The following DNAI7 variants were observed in gnomAD, a reference collection of about 807,000 sequenced individuals.
DNAI7 encodes the protein cancer susceptibility 1.
In DNAI7, 78 loss-of-function variants were observed where a neutral mutation model predicts 86.6. The ratio of observed to expected loss-of-function variants is 0.90; its 90% CI spans 0.75 to 1.09. The LOEUF (loss-of-function observed/expected upper bound fraction) is 1.09, where lower values mean the gene tolerates loss of function less well. Among genes scored for constraint, DNAI7 ranks in the 50% least tolerant of loss-of-function variants. DNAI7 has a pLI of 0.00. For synonymous variants in DNAI7, 274 were observed against 273.0 expected, an observed-to-expected ratio of 1.00 and a Z score of -0.04; for missense variants, 753 against 810.2, an observed-to-expected ratio of 0.93 and a Z score of 0.86.
chr12:25,190,530 A>C, intron 2 of DNAI7, 84 bp downstream of exon 2: 3 of 579,814 alleles, frequency 5.2e-6, no homozygotes, highest in Non-Finnish European at 8.5e-6. Flanking sequence ...AAAACTATAA[A>C]AATATTTTAT....
At chr12:25,113,939 T>TTTC (rs1491420435) in intron 13 of DNAI7, among the ~76,000 whole-genome samples, 1 of 1,984 alleles carries the variant, frequency 5.0e-4, no homozygotes, top group Non-Finnish European at 1.4e-3. Context: ...TCTTTCTGGG[T>TTTC]TTTTTTTTTT....
In DNAI7 at chr12:25,110,196, T is replaced by C. The variant is rs745394053; in HGVS notation, c.1824A>G (p.Leu608=). ...EVKAYRQMAL[L]SSAFAFGWSK... Reference sequence around the variant, plus strand: ...TCCAACCAAATGCAAAAGCAGAACTTAGTAGGGCCATCTGTCGATAAGCTT... The same window carrying C: ...TCCAACCAAATGCAAAAGCAGAACTCAGTAGGGCCATCTGTCGATAAGCTT... Residue 608 remains leucine (L), a synonymous_variant, in exon 15 of 16, where the codon CTA becomes CTG. Transcript: ENST00000395987. The C allele has an allele frequency of 3.7e-6, 6 of 1,612,642 alleles. No homozygotes were observed. The Admixed American group carries it at 8.3e-5, about 22-fold the overall frequency.
intron 2 of DNAI7, among the ~76,000 whole-genome samples, chr12:25,173,048 G>A (rs2141168263): frequency 6.6e-6 from 1 of 152,188 alleles, no homozygotes; most frequent in African/African-American, 2.4e-5. Context: ...CTTAGGCAAG[G>A]ATTTCATGAC....
At chr12:25,189,057 A>G (rs1188260285) in intron 2 of DNAI7, among the ~76,000 whole-genome samples, 3 of 152,236 alleles carry the variant, frequency 2.0e-5, no homozygotes, top group African/African-American at 2.4e-5. Context: ...AAGGCACTCA[A>G]TGGTATTTCT....
In DNAI7 at chr12:25,113,956, T is replaced by G. The variant is rs544036059; in HGVS notation, c.1611+700A>C. ...TTTCTGGGTTTTTTTTTTTTTTTTT[T>G]TTTTTTTGAGACAGAGTTTCACTCT... On this transcript the variant is annotated intron_variant, in intron 13 of 15. Transcript: ENST00000395987. Among the ~76,000 whole-genome samples the G allele has an allele frequency of 3.4e-3, 500 of 146,592 alleles. 5 individuals carry two copies. Among genetic ancestry groups the G allele is most frequent in the African/African-American group, 0.012 (464 of 38,532 alleles).
chr12:25,117,041 CT>C (rs897243485), intron 12 of DNAI7, among the ~76,000 whole-genome samples: 1 of 151,946 alleles, frequency 6.6e-6, no homozygotes, highest in African/African-American at 2.4e-5. Context: ...TCAAACAATG[CT>C]CCCACCTCAG....
chr12:25,117,579 G>T (rs1427636473), intron 12 of DNAI7, among the ~76,000 whole-genome samples: 1 of 151,946 alleles, frequency 6.6e-6, no homozygotes, highest in Non-Finnish European at 1.5e-5. Context: ...ACCAGACCAA[G>T]ATTTTTCAAA....
At position 25,188,673 on chromosome 12, in the gene DNAI7, CAAAAAAAAA is replaced by C. The variant is rs71065918; in HGVS notation, c.21+1932_21+1940del. ...TTGGCAACAGAGCAAGACTCTGTCT[CAAAAAAAAA>C]AAAAAAAAAAAAAAGTAAGCGATTT... On this transcript the variant is annotated intron_variant, in intron 2 of 15. Coordinates refer to ENST00000395987, the MANE Select transcript of DNAI7 (RefSeq NM_018272.5). 2.0e-3 allele frequency among the ~76,000 whole-genome samples: 266 copies of C among 130,180 alleles called. 1 individual carries two copies. Among genetic ancestry groups the C allele is most frequent in the African/African-American group, 3.6e-3 (114 of 31,508 alleles). The allele number at this position is 130,180 out of a possible 152,430, so 85.4% of individuals were successfully genotyped here.
chr12:25,164,075 G>A (rs189384846), intron 2 of DNAI7, among the ~76,000 whole-genome samples: 23 of 152,158 alleles, frequency 1.5e-4, no homozygotes, highest in African/African-American at 3.9e-4. Context: ...CACCCTTAGC[G>A]GCAAGTACCG....
intron 9 of DNAI7, among the ~76,000 whole-genome samples, chr12:25,132,852 T>C (rs373478577): frequency 2.1e-5 from 3 of 142,306 alleles, no homozygotes; most frequent in East Asian, 3.8e-4. Context: ...TAAGAAATTG[T>C]CTTCTCACTG....
At chr12:25,186,955 TG>T (rs1172254852) in intron 2 of DNAI7, among the ~76,000 whole-genome samples, 2 of 152,218 alleles carry the variant, frequency 1.3e-5, no homozygotes, top group Non-Finnish European at 2.9e-5. Context: ...ACTGCTGTGA[TG>T]GATTCCTAAA....
intron 4 of DNAI7, among the ~76,000 whole-genome samples, chr12:25,157,582 A>AAT (rs1946334908): frequency 6.6e-6 from 1 of 152,276 alleles, no homozygotes; most frequent in South Asian, 2.1e-4. Flanking sequence ...ACTTATGTTT[A>AAT]ATAAAATTTA....
At chr12:25,156,740 CA>C (rs1434754723) in intron 4 of DNAI7, among the ~76,000 whole-genome samples, 5 of 143,078 alleles carry the variant, frequency 3.5e-5, no homozygotes, top group African/African-American at 1.3e-4. Flanking sequence ...GACTCTGTCT[CA>C]AAAAAAAAAT....
intron 2 of DNAI7, among the ~76,000 whole-genome samples, chr12:25,182,521 A>T (rs1949613078): frequency 6.6e-6 from 1 of 151,584 alleles, no homozygotes; most frequent in South Asian, 2.1e-4. Flanking sequence ...AGGTGGGAGG[A>T]TTGCTTGAGC....
chr12:25,153,735 G>A (rs1368260281), intron 6 of DNAI7, among the ~76,000 whole-genome samples: 1 of 152,154 alleles, frequency 6.6e-6, no homozygotes. Context: ...TTTCTGGATT[G>A]TTTTATGGCC....
At chr12:25,124,545 A>G (rs546668108) in intron 9 of DNAI7, among the ~76,000 whole-genome samples, 2 of 152,316 alleles carry the variant, frequency 1.3e-5, no homozygotes, top group East Asian at 1.9e-4. Flanking sequence ...AGAGGAGTTA[A>G]TTCTGTGGGA....
In DNAI7 at chr12:25,111,885, T is replaced by G; in HGVS notation, c.1666A>C (p.Ile556Leu). The stretch of plus-strand genomic sequence containing the variant: ...GGAGTCATCCAGGTTCCTTCCAAAA[T>G]AGAGATGTGTTTCTTGTCTTTTAGT... ...IKLKDKKHIS[I>L]LEGTWMTPIP... The change falls in exon 14 of 16, where the codon ATT becomes CTT. Residue 556 changes from isoleucine (I) to leucine (L), a missense_variant. Ile to Leu is a conservative substitution (Grantham distance 5, BLOSUM62 2). Transcript: ENST00000395987. 4 of 1,606,808 alleles carry G rather than the reference T, an allele frequency of 2.5e-6. No homozygotes were observed. Among genetic ancestry groups the G allele is most frequent in the Non-Finnish European group, 3.4e-6 (4 of 1,176,338 alleles).
At chr12:25,126,742 A>T (rs1942191076) in intron 9 of DNAI7, among the ~76,000 whole-genome samples, 1 of 152,176 alleles carries the variant, frequency 6.6e-6, no homozygotes. Flanking sequence ...CTTTGGCATT[A>T]TTTACCTTTA....
intron 2 of DNAI7, 42 bp downstream of exon 2, chr12:25,190,568 TGTAA>T (rs1245048723): frequency 1.3e-5 from 11 of 872,170 alleles, no homozygotes; most frequent in East Asian, 8.0e-5. Context: ...GTTCATACAC[TGTAA>T]GTGATTATAC....
Sources: gnomAD v4.1 joint callset for allele counts (sites outside exome capture counted in the v4.1 genomes callset) on GRCh38, gnomAD v4.1.1 for gene constraint, MANE v1.5 for transcripts, NCBI Gene and HGNC (gene_info 2026-07-23, HGNC 2026-07-21) for gene names.